KSR2: variants seen among roughly 807,000 people sequenced by gnomAD.
The protein encoded by KSR2 is kinase suppressor of ras 2.
Under a neutral mutation model 107.8 loss-of-function variants are expected in KSR2, and 25 were observed. The ratio of observed to expected loss-of-function variants is 0.23; its 90% CI spans 0.17 to 0.32. The LOEUF (loss-of-function observed/expected upper bound fraction) is 0.32, where lower values mean the gene tolerates loss of function less well. KSR2 is among the 10% of genes least tolerant of loss of function. The pLI is 1.00. For missense variants in KSR2, 887 were observed against 1,268.9 expected, an observed-to-expected ratio of 0.70 and a Z score of 4.57; for synonymous variants, 480 against 507.0, an observed-to-expected ratio of 0.95 and a Z score of 0.71.
chr12:117,560,945 C>T (rs1878074485), intron 7 of KSR2, among the ~76,000 whole-genome samples: 1 of 152,180 alleles, frequency 6.6e-6, no homozygotes, highest in African/African-American at 2.4e-5. Flanking sequence ...CTTGTACAGC[C>T]TGCAGAACCG....
intron 1 of KSR2, among the ~76,000 whole-genome samples, chr12:117,924,078 A>G (rs967262209): frequency 4.6e-5 from 7 of 150,982 alleles, no homozygotes; most frequent in Non-Finnish European, 1.0e-4. Context: ...GGGTTTCTCC[A>G]TGTTGGTCAG....
At position 117,539,760 on chromosome 12, in the gene KSR2, G is replaced by T; in HGVS notation, c.1646C>A (p.Ser549Tyr). The T allele has an allele frequency of 6.2e-7, 1 of 1,608,070 alleles. No homozygotes were observed. The highest frequency in any genetic ancestry group is 1.1e-5 in the South Asian group (1 of 90,532). ...CTTCTGCTGCCGTGTGCACTGTGGG[G>T]AAGGGTGTAGGGGAGAAGGCGGCGT... is the stretch of plus-strand genomic sequence containing the variant. ...SATPPSPLHP[S>Y]PQCTRQQKNF... is the part of the protein sequence containing the mutation. Residue 549 changes from serine to tyrosine, a missense_variant, in exon 10 of 20, where the codon TCC becomes TAC. Transcript: ENST00000339824.
Position 117,455,400 on chromosome 12 carries a change from T to C in KSR2, c.*11799A>G, listed in dbSNP as rs761419350. 1.6e-4 allele frequency: 25 copies of C among 152,222 alleles called. No homozygotes were observed. Among genetic ancestry groups the C allele is most frequent in the South Asian group, 4.1e-4 (2 of 4,824 alleles). 9.4% of individuals were successfully genotyped at this position (152,222 alleles called of 1,614,324 possible). A position where few individuals can be genotyped will look rare whatever the true frequency, so the allele number is the denominator to read the frequency against. On this transcript the variant is annotated 3_prime_UTR_variant, in exon 20 of 20. Coordinates refer to ENST00000339824, the MANE Select transcript of KSR2 (RefSeq NM_173598.6). ...TGCCTCTGAGTCCACACATAGGCTG[T>C]TCCTTCTGTCTGACACACCGTTCCC...
chr12:117,866,803 TG>T (rs1225934943), intron 1 of KSR2, among the ~76,000 whole-genome samples: 1 of 151,464 alleles, frequency 6.6e-6, no homozygotes, highest in Non-Finnish European at 1.5e-5. Context: ...CAGTCCAGCC[TG>T]GGCAACAAGA....
At position 117,801,275 on chromosome 12, in the gene KSR2, C is replaced by T. The variant is rs530528991; in HGVS notation, c.473-39751G>A. 2.8e-4 allele frequency among the ~76,000 whole-genome samples: 41 copies of T among 148,932 alleles called. No individual in the cohort carries two copies. In the South Asian group the frequency reaches 7.0e-3, roughly 25 times the overall value. On this transcript the variant is annotated intron_variant, in intron 3 of 19. Coordinates refer to ENST00000339824, the MANE Select transcript of KSR2 (RefSeq NM_173598.6). Reference sequence around the variant, plus strand: ...GGGATTATGGGCATCTGCCACCATGCCCGGCTAATTTTTTTTTTTTTTTTT... The same window carrying T: ...GGGATTATGGGCATCTGCCACCATGTCCGGCTAATTTTTTTTTTTTTTTTT...
At chr12:117,620,959 T>C (rs746765923) in intron 5 of KSR2, among the ~76,000 whole-genome samples, 3 of 152,138 alleles carry the variant, frequency 2.0e-5, no homozygotes, top group Non-Finnish European at 4.4e-5. Flanking sequence ...GTGGGAATAT[T>C]AGAGGATATA....
At chr12:117,739,770 A>G (rs925023773) in intron 4 of KSR2, among the ~76,000 whole-genome samples, 2 of 152,142 alleles carry the variant, frequency 1.3e-5, no homozygotes, top group Non-Finnish European at 2.9e-5. Context: ...AGGATGAGGT[A>G]AGATAGGGGT....
intron 1 of KSR2, among the ~76,000 whole-genome samples, chr12:117,938,936 G>A (rs555977313): frequency 6.6e-6 from 1 of 150,784 alleles, no homozygotes. Flanking sequence ...CATTTTAAAT[G>A]AACAAAAATC....
At chr12:117,738,506 T>G (rs1888032766) in intron 4 of KSR2, among the ~76,000 whole-genome samples, 2 of 152,128 alleles carry the variant, frequency 1.3e-5, no homozygotes, top group African/African-American at 2.4e-5. Context: ...CAGGCAATTA[T>G]AACACAATGG....
chr12:117,571,694 A>C (rs1209940352), intron 7 of KSR2, among the ~76,000 whole-genome samples: 1 of 152,162 alleles, frequency 6.6e-6, no homozygotes, highest in African/African-American at 2.4e-5. Context: ...CCTTGGTCCT[A>C]GGGAAGAATA....
rs1463168003 is a variant in KSR2, at chr12:117,696,334, T to C, written c.987-28676A>G. 6.6e-5 allele frequency among the ~76,000 whole-genome samples: 10 copies of C among 152,238 alleles called. No homozygotes were observed. The Middle Eastern group carries it at 0.02, about 311-fold the overall frequency. On this transcript the variant is annotated intron_variant, in intron 4 of 19. Coordinates refer to ENST00000339824, the MANE Select transcript of KSR2 (RefSeq NM_173598.6). Reference sequence around the variant, plus strand: ...CCAAAAGGGAATGAAGCACAAAGTGTACACATTTTCAAAAGTAATCATGGC... The same window carrying C: ...CCAAAAGGGAATGAAGCACAAAGTGCACACATTTTCAAAAGTAATCATGGC...
intron 5 of KSR2, among the ~76,000 whole-genome samples, chr12:117,586,368 C>T (rs1429053674): frequency 2.0e-5 from 3 of 151,950 alleles, no homozygotes; most frequent in African/African-American, 7.3e-5. Context: ...AGGTGGATCA[C>T]CTGAGGTCAG....
At chr12:117,584,626 C>A (rs1271315614) in intron 5 of KSR2, among the ~76,000 whole-genome samples, 1 of 152,210 alleles carries the variant, frequency 6.6e-6, no homozygotes, top group Non-Finnish European at 1.5e-5. Context: ...ATACATTTTC[C>A]ACCTCTGCAA....
chr12:117,760,315 C>T (rs1247093264), intron 4 of KSR2, among the ~76,000 whole-genome samples: 1 of 152,332 alleles, frequency 6.6e-6, no homozygotes, highest in South Asian at 2.1e-4. Flanking sequence ...CTGTCAATTT[C>T]CCCAACGTGT....
At chr12:117,662,864 C>T (rs1884495673) in intron 5 of KSR2, among the ~76,000 whole-genome samples, 1 of 152,200 alleles carries the variant, frequency 6.6e-6, no homozygotes, top group Admixed American at 6.5e-5. Context: ...ATTACTATGT[C>T]ATTCCTCATC....
At chr12:117,785,116 C>A (rs544026590) in intron 3 of KSR2, among the ~76,000 whole-genome samples, 1 of 152,244 alleles carries the variant, frequency 6.6e-6, no homozygotes, top group South Asian at 2.1e-4. Context: ...AATTTTCAAA[C>A]GCAAAAGCAA....
intron 3 of KSR2, among the ~76,000 whole-genome samples, chr12:117,816,946 A>T (rs990659003): frequency 2.6e-5 from 4 of 152,182 alleles, no homozygotes; most frequent in African/African-American, 9.6e-5. Context: ...TGATTCCATT[A>T]CACAAGGCAG....
rs946707611 is a variant in KSR2, at chr12:117,654,216, C to T, written c.1171+13258G>A. On this transcript the variant is annotated intron_variant, in intron 5 of 19. Transcript: ENST00000339824. The stretch of plus-strand genomic sequence containing the variant: ...TGACCCATGTAGCCATAAAGTGAGT[C>T]GTGCACAGCAGCATTTCATCATCAA... Among the ~76,000 whole-genome samples the T allele has an allele frequency of 7.9e-5, 12 of 152,256 alleles. No individual in the cohort carries two copies. The East Asian group carries it at 9.7e-4, about 12-fold the overall frequency.
intron 3 of KSR2, among the ~76,000 whole-genome samples, chr12:117,824,829 C>G (rs1891683362): frequency 6.7e-6 from 1 of 148,372 alleles, no homozygotes. Flanking sequence ...TGCACTTCAG[C>G]CTGGGCGACA....
Sources: allele counts gnomAD v4.1 joint callset (sites outside exome capture counted in the v4.1 genomes callset), GRCh38; gene constraint gnomAD v4.1.1; transcripts MANE v1.5; gene names NCBI Gene and HGNC (gene_info 2026-07-23, HGNC 2026-07-21).